GSG1L: variants seen among roughly 807,000 people sequenced by gnomAD.
The protein encoded by GSG1L is GSG1 like, also known as germ cell-specific gene 1-like protein.
Under a neutral mutation model 42.1 loss-of-function variants are expected in GSG1L, and 24 were observed. The ratio of observed to expected loss-of-function variants is 0.57; its 90% CI spans 0.41 to 0.80. The LOEUF (loss-of-function observed/expected upper bound fraction) is 0.80. GSG1L is among the 30% of genes least tolerant of loss of function. The probability of loss-of-function intolerance (pLI) is 0.00; values close to 1 mark genes in which losing one functional copy is unlikely to be tolerated. For synonymous variants in GSG1L, 215 were observed against 203.5 expected (o/e 1.06, Z -0.48); for missense variants, 445 against 472.2 (o/e 0.94, Z 0.53).
intron 6 of GSG1L, among the ~76,000 whole-genome samples, chr16:27,799,457 A>T (rs1316634137): frequency 3.3e-5 from 5 of 152,214 alleles, no homozygotes; most frequent in Non-Finnish European, 7.3e-5. Flanking sequence ...AGGTGGGAGG[A>T]TCCCTTGAGC....
intron 1 of GSG1L, among the ~76,000 whole-genome samples, chr16:28,058,180 G>A (rs2141202031): frequency 6.6e-6 from 1 of 152,288 alleles, no homozygotes; most frequent in Non-Finnish European, 1.5e-5. Context: ...CCAGGCTCCG[G>A]AGCCTCCCGC....
rs561446435 is a variant in GSG1L at position 28,060,607 on chromosome 16, C to A, written c.349+2469G>T. On this transcript the variant is annotated intron_variant, in intron 1 of 6. Transcript: ENST00000447459. Reference sequence around the variant, plus strand: ...TCCCCCAAAATGCCAACTTCCCTGACCCCTCAACTGTACTATTCTCTTCCG... The same window carrying A: ...TCCCCCAAAATGCCAACTTCCCTGAACCCTCAACTGTACTATTCTCTTCCG... Among the ~76,000 whole-genome samples, 10 of 152,312 alleles carry A rather than the reference C, an allele frequency of 6.6e-5. No individual in the cohort carries two copies. In the South Asian group the frequency reaches 8.3e-4, roughly 13 times the overall value.
At chr16:27,990,895 T>C (rs1401029421) in intron 1 of GSG1L, among the ~76,000 whole-genome samples, 1 of 152,208 alleles carries the variant, frequency 6.6e-6, no homozygotes, top group Non-Finnish European at 1.5e-5. Flanking sequence ...GTTGTGCACA[T>C]GTACCCTAAA....
At chr16:27,854,550 G>A (rs1419369424) in intron 3 of GSG1L, among the ~76,000 whole-genome samples, 1 of 152,162 alleles carries the variant, frequency 6.6e-6, no homozygotes, top group Non-Finnish European at 1.5e-5. Context: ...AGTGAACAGT[G>A]GACACCTTGC....
intron 3 of GSG1L, among the ~76,000 whole-genome samples, chr16:27,864,871 C>T (rs902089043): frequency 1.3e-5 from 2 of 152,196 alleles, no homozygotes; most frequent in African/African-American, 4.8e-5. Context: ...ATGTGTGGGT[C>T]CACCTCCAAC....
At chr16:27,955,948 G>C (rs1445872795) in intron 2 of GSG1L, among the ~76,000 whole-genome samples, 1 of 147,180 alleles carries the variant, frequency 6.8e-6, no homozygotes, top group Non-Finnish European at 1.5e-5. Context: ...AAGGAAGGGA[G>C]GAAGGAAGGA....
intron 4 of GSG1L, among the ~76,000 whole-genome samples, chr16:27,836,754 G>T (rs1241212776): frequency 6.6e-6 from 1 of 152,008 alleles, no homozygotes; most frequent in East Asian, 1.9e-4. Flanking sequence ...TTTTCCAAGG[G>T]TGTTTGCAAC....
At chr16:27,897,650 G>C (rs182401067) in intron 2 of GSG1L, among the ~76,000 whole-genome samples, 1 of 151,982 alleles carries the variant, frequency 6.6e-6, no homozygotes, top group Non-Finnish European at 1.5e-5. Context: ...ACCCTAGCCC[G>C]CACTGTGGCC....
chr16:27,806,028 A>C (rs2082957563), intron 6 of GSG1L, among the ~76,000 whole-genome samples: 1 of 152,002 alleles, frequency 6.6e-6, no homozygotes, highest in African/African-American at 2.4e-5. Flanking sequence ...TCTGGAATGC[A>C]CCAGGATTCT....
intron 2 of GSG1L, among the ~76,000 whole-genome samples, chr16:27,943,295 G>A (rs764585871): frequency 9.2e-5 from 14 of 151,992 alleles, no homozygotes; most frequent in Non-Finnish European, 1.6e-4. Context: ...AGAACCAGTG[G>A]CATTGTTCCT....
intron 1 of GSG1L, among the ~76,000 whole-genome samples, chr16:27,963,647 A>C (rs1056951363): frequency 6.6e-6 from 1 of 152,164 alleles, no homozygotes; most frequent in African/African-American, 2.4e-5. Context: ...TTCCCAAAGG[A>C]GAAAGTTCAA....
intron 1 of GSG1L, among the ~76,000 whole-genome samples, chr16:28,032,881 C>G (rs993898291): frequency 2.6e-5 from 4 of 152,182 alleles, no homozygotes; most frequent in Admixed American, 2.6e-4. Flanking sequence ...CCTGGCCCCC[C>G]ACCTGTTAAC....
chr16:28,033,039 A>C (rs951757475), intron 1 of GSG1L, among the ~76,000 whole-genome samples: 1 of 152,198 alleles, frequency 6.6e-6, no homozygotes, highest in Non-Finnish European at 1.5e-5. Context: ...CAAATTTTAT[A>C]CTGCAGCCAA....
chr16:27,988,789 T>C (rs1352155417), intron 1 of GSG1L, among the ~76,000 whole-genome samples: 1 of 149,046 alleles, frequency 6.7e-6, no homozygotes, highest in Non-Finnish European at 1.5e-5. Flanking sequence ...GCCTGGTGGC[T>C]CACGTCTGTA....
chr16:28,039,207 A>T (rs189132136), intron 1 of GSG1L, among the ~76,000 whole-genome samples: 1 of 152,314 alleles, frequency 6.6e-6, no homozygotes, highest in East Asian at 1.9e-4. Flanking sequence ...TCAGTTAAGG[A>T]TGTCGACCAT....
At chr16:28,049,433 C>A (rs1317098920) in intron 1 of GSG1L, among the ~76,000 whole-genome samples, 5 of 151,858 alleles carry the variant, frequency 3.3e-5, no homozygotes. Flanking sequence ...GTAAGCCCAA[C>A]ACTTTGGGAG....
intron 2 of GSG1L, among the ~76,000 whole-genome samples, chr16:27,900,648 A>G (rs2084245759): frequency 6.6e-6 from 1 of 152,166 alleles, no homozygotes; most frequent in African/African-American, 2.4e-5. Flanking sequence ...AATGGTGCCT[A>G]CGTCTATCTG....
At chr16:27,946,616 AGAGAGAGAG>A (rs2084869539) in intron 2 of GSG1L, among the ~76,000 whole-genome samples, 1 of 17,964 alleles carries the variant, frequency 5.6e-5, no homozygotes, top group African/African-American at 2.0e-4. Flanking sequence ...AGAGAGAGAG[AGAGAGAGAG>A]AGAGAGAAAG....
chr16:28,052,653 C>T (rs1384669282), intron 1 of GSG1L, among the ~76,000 whole-genome samples: 2 of 152,210 alleles, frequency 1.3e-5, no homozygotes, highest in African/African-American at 2.4e-5. Flanking sequence ...GTAGAGCCCC[C>T]CACTGACCTG....
Sources: gnomAD v4.1 joint callset for allele counts (sites outside exome capture counted in the v4.1 genomes callset) on GRCh38, gnomAD v4.1.1 for gene constraint, MANE v1.5 for transcripts, NCBI Gene and HGNC (gene_info 2026-07-23, HGNC 2026-07-21) for gene names.